SIX5: variants seen among roughly 807,000 people sequenced by gnomAD.
The protein encoded by SIX5 is SIX homeobox 5.
In SIX5, 21 loss-of-function variants were observed where a neutral mutation model predicts 37.1. That is an observed-to-expected ratio of 0.57 (90% CI 0.40 to 0.81). The LOEUF (loss-of-function observed/expected upper bound fraction) is 0.81, where lower values mean the gene tolerates loss of function less well. Ranked by LOEUF, SIX5 falls within the 40% of genes least tolerant of loss-of-function variation. The pLI is 0.00. For missense variants in SIX5, 1,137 were observed against 1,025.1 expected, an observed-to-expected ratio of 1.11 and a Z score of -1.49; for synonymous variants, 626 against 505.9, an observed-to-expected ratio of 1.24 and a Z score of -3.19.
rs202164217 is a variant in SIX5, at chr19:45,768,242, G to A, written c.603C>T (p.Gly201=). 31 of 1,612,978 alleles carry A rather than the reference G, an allele frequency of 1.9e-5. No individual in the cohort carries two copies. The East Asian group carries it at 5.4e-4, about 28-fold the overall frequency. The part of the protein sequence containing the change: ...KFPLPKTIWD[G]EETVYCFKER... ...CCTTGAAGCAGTAGACTGTCTCCTC[G>A]CCGTCCCAGATGGTCTTGGGCAGCG... Residue 201 remains glycine, a synonymous_variant, in exon 1 of 3, where the codon GGC becomes GGT. Coordinates refer to ENST00000317578, the MANE Select transcript of SIX5 (RefSeq NM_175875.5).
chr19:45,765,885 G>A lies in SIX5; in HGVS notation c.1836C>T (p.His612=), dbSNP rs746328708. The part of the protein sequence containing the change: ...VAPSPALPEA[H]ALGTLSAQQP... ...GCTGTGCAGAAAGGGTGCCTAGGGC[G>A]TGAGCCTCTGGGAGAGCAGGGCTGG... The change falls in exon 3 of 3, where the codon CAC becomes CAT. Residue 612 remains histidine, a synonymous_variant. Coordinates refer to ENST00000317578, the MANE Select transcript of SIX5 (RefSeq NM_175875.5). 22 of 1,593,376 alleles carry A rather than the reference G, an allele frequency of 1.4e-5. No individual in the cohort carries two copies. The highest frequency in any genetic ancestry group is 1.7e-4 in the Middle Eastern group (1 of 6,046).
At chr19:45,766,148 A>G in intron 2 of SIX5, 37 bp from the exon 3 acceptor site, 11 of 1,598,044 alleles carry the variant, frequency 6.9e-6, no homozygotes, top group Non-Finnish European at 9.4e-6. Flanking sequence ...GGTGAGAGCC[A>G]GGAGAGCAGG....
chr19:45,768,040 A>G lies in SIX5; in HGVS notation c.803+2T>C. The G allele has an allele frequency of 6.3e-7, 1 of 1,594,444 alleles. No individual in the cohort carries two copies. Among genetic ancestry groups the G allele is most frequent in the South Asian group, 1.1e-5 (1 of 90,596 alleles). On this transcript the variant is annotated splice_donor_variant, in intron 1 of 2. Coordinates refer to ENST00000317578, the MANE Select transcript of SIX5 (RefSeq NM_175875.5). LOFTEE classifies it high-confidence loss of function. ...GGACTTGCGCCGCCCGAGGCCCCTC[A>G]CCTCTTGCAGGGCGCGCCGCCTCCG...
rs1969152716 is a variant in SIX5, at chr19:45,768,796, C to G, written c.49G>C (p.Glu17Gln). Residue 17 changes from glutamate (E) to glutamine (Q), a missense_variant, in exon 1 of 3, where the codon GAG becomes CAG. By Grantham distance (29) the Glu-to-Gln change is conservative (BLOSUM62 2). Coordinates refer to ENST00000317578, the MANE Select transcript of SIX5 (RefSeq NM_175875.5). ...GTCGCCGCCGCCGCCGCCACCGCCT[C>G]CCCCCCAGCCGCCGGCCCCGCGCTC... Reference protein sequence around the residue: ...EPSAGPAAGGEAVAAAAATEE... With the variant: ...EPSAGPAAGGQAVAAAAATEE... 1.3e-6 allele frequency: 2 copies of G among 1,524,630 alleles called. No individual in the cohort carries two copies. Among genetic ancestry groups the G allele is most frequent in the Non-Finnish European group, 1.8e-6 (2 of 1,141,464 alleles). 94.4% of individuals were successfully genotyped at this position (1,524,630 alleles called of 1,614,324 possible).
Position 45,768,953 on chromosome 19 carries a change from G to T in SIX5, c.-109C>A. 2 of 1,065,988 alleles carry T rather than the reference G, an allele frequency of 1.9e-6. No individual in the cohort carries two copies. Among genetic ancestry groups the T allele is most frequent in the South Asian group, 1.5e-5 (1 of 66,232 alleles). The allele number at this position is 1,065,988 out of a possible 1,614,324, so 66.0% of individuals were successfully genotyped here. On this transcript the variant is annotated 5_prime_UTR_variant, in exon 1 of 3. Transcript: ENST00000317578. ...TTCGCCCCCACTCCCCGCTCTTCTC[G>T]ATCTTCTTTCTGGCCGACCCTGCGC...
At position 45,768,082 on chromosome 19, in the gene SIX5, G is replaced by A. The variant is rs1200279509; in HGVS notation, c.763C>T (p.Arg255Cys). The A allele has an allele frequency of 2.5e-6, 4 of 1,600,400 alleles. No homozygotes were observed. The highest frequency in any genetic ancestry group is 2.5e-6 in the Non-Finnish European group (3 of 1,177,884). Residue 255 changes from arginine to cysteine, a missense_variant, in exon 1 of 3, where the codon CGC (arginine) becomes TGC (cysteine). Transcript: ENST00000317578. ...CCGCCTCCGGCCCCGGTCCGGTCGC[G>A]CTGTCGCCGGTTCTTGAACCAGTTG... The part of the protein sequence containing the change: ...VSNWFKNRRQ[R>C]DRTGAGGGAP...
rs1277539288 is a variant in SIX5 at position 45,768,924 on chromosome 19, C to G, written c.-80G>C. On this transcript the variant is annotated 5_prime_UTR_variant, in exon 1 of 3. Coordinates refer to ENST00000317578, the MANE Select transcript of SIX5 (RefSeq NM_175875.5). ...CCAGCCTCCTCCCCCACCTGTCCCC[C>G]CTTTTCGCCCCCACTCCCCGCTCTT... 5.3e-6 allele frequency: 7 copies of G among 1,321,754 alleles called. No individual in the cohort carries two copies. The highest frequency in any genetic ancestry group is 2.7e-5 in the East Asian group (1 of 36,464). 81.9% of individuals were successfully genotyped at this position (1,321,754 alleles called of 1,614,324 possible).
At chr19:45,767,281 C>T (rs1027318446) in intron 1 of SIX5, 126 bp from the exon 2 acceptor site, 3 of 948,388 alleles carry the variant, frequency 3.2e-6, no homozygotes, top group African/African-American at 1.6e-5. Context: ...GTTATGACGC[C>T]TCTCTGAGAC....
chr19:45,767,145 C>T lies in SIX5; in HGVS notation c.814G>A (p.Gly272Arg), dbSNP rs1220860019. ...GGAPCKSESDGNPTTEDESSR... is the reference protein window; with the variant it reads ...GGAPCKSESDRNPTTEDESSR... The stretch of plus-strand genomic sequence containing the variant: ...GACTCGTCCTCAGTCGTGGGATTCC[C>T]ATCAGACTCGCTGGCCGGAGAAATG... The change falls in exon 2 of 3, where the codon GGG (glycine) becomes AGG (arginine). Residue 272 changes from glycine (G) to arginine (R), a missense_variant. Physicochemically the swap from Gly to Arg is moderately radical, Grantham distance 125. This residue lies in a region of SIX5 where 787 missense variants were observed against 621.4 expected (regional missense o/e 1.27). Transcript: ENST00000317578. 1.2e-6 allele frequency: 2 copies of T among 1,612,088 alleles called. No homozygotes were observed. The highest frequency in any genetic ancestry group is 3.3e-5 in the Admixed American group (2 of 59,998).
At position 45,768,607 on chromosome 19, in the gene SIX5, G is replaced by T; in HGVS notation, c.238C>A (p.Pro80Thr). Residue 80 changes from proline (P) to threonine (T), a missense_variant, in exon 1 of 3, where the codon CCG (proline) becomes ACG (threonine). By Grantham distance (38) the Pro-to-Thr change is conservative (BLOSUM62 -1). Coordinates refer to ENST00000317578, the MANE Select transcript of SIX5 (RefSeq NM_175875.5). The stretch of plus-strand genomic sequence containing the variant: ...GGCGAGAAGCGGAGGCCCGTGGGCG[G>T]TTCGGAAGCGGCCTCGGGGGGCGAC... ...PGSPPEAASEPPTGLRFSPEQ... is the reference protein window; with the variant it reads ...PGSPPEAASETPTGLRFSPEQ... 1 of 1,294,550 alleles carries T rather than the reference G, an allele frequency of 7.7e-7. No homozygotes were observed. The highest frequency in any genetic ancestry group is 9.7e-7 in the Non-Finnish European group (1 of 1,029,808). The allele number at this position is 1,294,550 out of a possible 1,614,324, so 80.2% of individuals were successfully genotyped here. A position where few individuals can be genotyped will look rare whatever the true frequency, so the allele number is the denominator to read the frequency against.
At position 45,766,623 on chromosome 19, in the gene SIX5, G is replaced by A. The variant is rs940475250; in HGVS notation, c.1336C>T (p.Pro446Ser). 8.1e-6 allele frequency: 12 copies of A among 1,472,764 alleles called. No homozygotes were observed. The highest frequency in any genetic ancestry group is 4.9e-5 in the Admixed American group (2 of 40,882). The allele number at this position is 1,472,764 out of a possible 1,614,324, so 91.2% of individuals were successfully genotyped here. Residue 446 changes from proline (P) to serine (S), a missense_variant, in exon 2 of 3, where the codon CCT (proline) becomes TCT (serine). By Grantham distance (74) the Pro-to-Ser change is moderately conservative (BLOSUM62 -1). Transcript: ENST00000317578. Reference protein sequence around the residue: ...ATFPLPPGPVPAVAAPQVVPL... With the variant: ...ATFPLPPGPVSAVAAPQVVPL... ...ACCACTTGTGGGGCAGCCACAGCAG[G>A]CACTGGCCCCGGGGGCAGAGGAAAG...
chr19:45,766,010 T>G lies in SIX5; in HGVS notation c.1711A>C (p.Met571Leu), dbSNP rs1190375240. 1 of 1,608,406 alleles carries G rather than the reference T, an allele frequency of 6.2e-7. No homozygotes were observed. Among genetic ancestry groups the G allele is most frequent in the East Asian group, 2.2e-5 (1 of 44,772 alleles). ...GGCGGCAGGACCTGGGAGACGAGCA[T>G]GCTGGTGGGGAAGGTGGCGGTGAGG... Reference protein sequence around the residue: ...IILTATFPTSMLVSQVLPPAP... With the variant: ...IILTATFPTSLLVSQVLPPAP... Residue 571 changes from methionine to leucine, a missense_variant, in exon 3 of 3, where the codon ATG becomes CTG. Physicochemically the swap from Met to Leu is conservative, Grantham distance 15 (BLOSUM62 2). Around this residue, in one of 3 missense-constraint regions of SIX5, gnomAD observed 787 missense variants for 621.4 expected, o/e 1.27. Coordinates refer to ENST00000317578, the MANE Select transcript of SIX5 (RefSeq NM_175875.5).
At position 45,766,444 on chromosome 19, in the gene SIX5, C is replaced by T; in HGVS notation, c.1515G>A (p.Val505=). ...CAGGGCCTGCTGCAGCTGCCACCTT[C>T]ACAGGGCTGCCTGGCCCGGCTGCCA... is the stretch of plus-strand genomic sequence containing the variant. The part of the protein sequence containing the change: ...QLLAAGPGSP[V]KVAAAAGPAN... The change falls in exon 2 of 3, where the codon GTG becomes GTA. Residue 505 remains valine, a synonymous_variant. Coordinates refer to ENST00000317578, the MANE Select transcript of SIX5 (RefSeq NM_175875.5). 6.4e-7 allele frequency: 1 copy of T among 1,554,008 alleles called. No homozygotes were observed. The highest frequency in any genetic ancestry group is 8.7e-7 in the Non-Finnish European group (1 of 1,149,268).
Position 45,766,507 on chromosome 19 carries a change from C to G in SIX5, c.1452G>C (p.Val484=). 3 of 1,510,132 alleles carry G rather than the reference C, an allele frequency of 2.0e-6. No individual in the cohort carries two copies. Among genetic ancestry groups the G allele is most frequent in the Non-Finnish European group, 2.7e-6 (3 of 1,122,806 alleles). The allele number at this position is 1,510,132 out of a possible 1,614,324, so 93.5% of individuals were successfully genotyped here. ...GCCCCACAGCCTGGGGCAGGGTCAC[C>G]ACCTGTGAGGTGGGTACTACCTGGG... The part of the protein sequence containing the change: ...NLPQVVPTSQ[V]VTLPQAVGPL... Residue 484 remains valine (V), a synonymous_variant, in exon 2 of 3, where the codon GTG becomes GTC. Coordinates refer to ENST00000317578, the MANE Select transcript of SIX5 (RefSeq NM_175875.5).
rs1225040128 is a variant in SIX5 at position 45,766,524 on chromosome 19, C to G, written c.1435G>C (p.Val479Leu). The change falls in exon 2 of 3, where the codon GTA (valine) becomes CTA (leucine). Residue 479 changes from valine to leucine, a missense_variant. This residue lies in a region of SIX5 where 787 missense variants were observed against 621.4 expected (regional missense o/e 1.27). Coordinates refer to ENST00000317578, the MANE Select transcript of SIX5 (RefSeq NM_175875.5). ...AGGGTCACCACCTGTGAGGTGGGTACTACCTGGGGCAGGTTCAATAGTGGG... is the reference window on the plus strand; with the variant it reads ...AGGGTCACCACCTGTGAGGTGGGTAGTACCTGGGGCAGGTTCAATAGTGGG... ...TSPLLNLPQV[V>L]PTSQVVTLPQ... The G allele has an allele frequency of 1.3e-6, 2 of 1,496,756 alleles. No individual in the cohort carries two copies. Among genetic ancestry groups the G allele is most frequent in the African/African-American group, 2.8e-5 (2 of 71,852 alleles). The allele number at this position is 1,496,756 out of a possible 1,614,324, so 92.7% of individuals were successfully genotyped here. A position where few individuals can be genotyped will look rare whatever the true frequency, so the allele number is the denominator to read the frequency against.
chr19:45,766,844 G>C lies in SIX5; in HGVS notation c.1115C>G (p.Pro372Arg), dbSNP rs1969086843. Residue 372 changes from proline (P) to arginine (R), a missense_variant, in exon 2 of 3, where the codon CCC becomes CGC. Pro to Arg is a moderately radical substitution (Grantham distance 103, BLOSUM62 -2). Coordinates refer to ENST00000317578, the MANE Select transcript of SIX5 (RefSeq NM_175875.5). ...TGGGGAPPPQPSPQGASETKT... is the reference protein window; with the variant it reads ...TGGGGAPPPQRSPQGASETKT... ...GGTCTCGCTGGCCCCCTGAGGGCTG[G>C]GCTGCGGTGGAGGGGCACCCCCGCC... 1 of 1,543,392 alleles carries C rather than the reference G, an allele frequency of 6.5e-7. No homozygotes were observed.
rs1235209536 is a variant in SIX5, at chr19:45,766,340, A to G, written c.1609+10T>C. 1 of 1,573,476 alleles carries G rather than the reference A, an allele frequency of 6.4e-7. No homozygotes were observed. On this transcript the variant is annotated intron_variant, in intron 2 of 2. Transcript: ENST00000317578. Reference sequence around the variant, plus strand: ...TCTCACCTAGGCCTGAGGGAGGGAGATGGGGGTACCTGGGGCAGTGGCCGA... The same window carrying G: ...TCTCACCTAGGCCTGAGGGAGGGAGGTGGGGGTACCTGGGGCAGTGGCCGA...
chr19:45,766,337 G>C lies in SIX5; in HGVS notation c.1609+13C>G. The stretch of plus-strand genomic sequence containing the variant: ...GGCTCTCACCTAGGCCTGAGGGAGG[G>C]AGATGGGGGTACCTGGGGCAGTGGC... On this transcript the variant is annotated intron_variant, in intron 2 of 2. Transcript: ENST00000317578. The C allele has an allele frequency of 6.4e-7, 1 of 1,571,470 alleles. No individual in the cohort carries two copies. The highest frequency in any genetic ancestry group is 8.6e-7 in the Non-Finnish European group (1 of 1,159,748).
At position 45,766,597 on chromosome 19, in the gene SIX5, T is replaced by G. The variant is rs1317464078; in HGVS notation, c.1362A>C (p.Val454=). Residue 454 remains valine (V), a synonymous_variant, in exon 2 of 3, where the codon GTA becomes GTC. Transcript: ENST00000317578. ...PVPAVAAPQV[V]PLSPPPGYPT... is the part of the protein sequence containing the mutation. ...GATACCCCGGGGGTGGGGAGAGCGGTACCACTTGTGGGGCAGCCACAGCAG... is the reference window on the plus strand; with the variant it reads ...GATACCCCGGGGGTGGGGAGAGCGGGACCACTTGTGGGGCAGCCACAGCAG... 6.8e-7 allele frequency: 1 copy of G among 1,469,552 alleles called. No individual in the cohort carries two copies. Among genetic ancestry groups the G allele is most frequent in the East Asian group, 2.5e-5 (1 of 40,112 alleles). 91.0% of individuals were successfully genotyped at this position (1,469,552 alleles called of 1,614,324 possible).
Sources: allele counts gnomAD v4.1 joint callset, GRCh38; gene constraint gnomAD v4.1.1; regional missense constraint gnomAD v4.1.1; transcripts MANE v1.5; gene names NCBI Gene and HGNC (gene_info 2026-07-23, HGNC 2026-07-21).